FASTKD1: variants seen among roughly 807,000 people sequenced by gnomAD.
FASTKD1 encodes the protein FAST kinase domain-containing protein 1, mitochondrial.
A neutral mutation model predicts 90.9 loss-of-function variants in FASTKD1; 94 were observed. The ratio of observed to expected loss-of-function variants is 1.03; its 90% CI spans 0.88 to 1.23. FASTKD1 has a LOEUF of 1.23. Among genes scored for constraint, FASTKD1 ranks in the 50% most tolerant of loss-of-function variants. The probability of loss-of-function intolerance (pLI) is 0.00; values close to 1 mark genes in which losing one functional copy is unlikely to be tolerated. For missense variants in FASTKD1, 945 were observed against 993.5 expected (o/e 0.95, Z 0.66); for synonymous variants, 319 against 345.8 (o/e 0.92, Z 0.86).
chr2:169,563,403 C>T (rs1458376096), intron 3 of FASTKD1, 53 bp from the exon 4 acceptor site: 1 of 1,304,758 alleles, frequency 7.7e-7, no homozygotes, highest in Non-Finnish European at 1.1e-6. Flanking sequence ...TCACTTAAAA[C>T]ACATAATATA....
In FASTKD1 at chr2:169,561,984, T is replaced by C. The variant is rs1298825589; in HGVS notation, c.573-1199A>G. On this transcript the variant is annotated intron_variant, in intron 4 of 14. Coordinates refer to ENST00000453153, the MANE Select transcript of FASTKD1 (RefSeq NM_024622.6). ...TTATTGTAAATTAATTATTCATTAA[T>C]TTATTGTAAATTAATTATTCATTAA... is the stretch of plus-strand genomic sequence containing the variant. Among the ~76,000 whole-genome samples the C allele has an allele frequency of 2.4e-5, 3 of 125,878 alleles. 1 individual carries two copies. Among genetic ancestry groups the C allele is most frequent in the Non-Finnish European group, 4.8e-5 (3 of 62,010 alleles). The allele number at this position is 125,878 out of a possible 152,430, so 82.6% of individuals were successfully genotyped here. A position where few individuals can be genotyped will look rare whatever the true frequency, so the allele number is the denominator to read the frequency against.
intron 4 of FASTKD1, among the ~76,000 whole-genome samples, chr2:169,561,350 T>G (rs777400305): frequency 4.6e-5 from 7 of 151,756 alleles, no homozygotes; most frequent in Non-Finnish European, 1.0e-4. Context: ...TACTATAATT[T>G]AATTTTACCA....
chr2:169,544,621 C>T, intron 9 of FASTKD1, 100 bp downstream of exon 9: 1 of 712,358 alleles, frequency 1.4e-6, no homozygotes, highest in Non-Finnish European at 2.5e-6. Flanking sequence ...TAATTCATGT[C>T]TATTATGGTT....
In FASTKD1 at chr2:169,528,922, CCTCTTA is replaced by C. The variant is rs1351053569; in HGVS notation, c.*897_*902del. Among the ~76,000 whole-genome samples, 1 of 152,060 alleles carries C rather than the reference CCTCTTA, an allele frequency of 6.6e-6. No homozygotes were observed. Among genetic ancestry groups the C allele is most frequent in the Non-Finnish European group, 1.5e-5 (1 of 68,020 alleles). On this transcript the variant is annotated 3_prime_UTR_variant, in exon 15 of 15. Coordinates refer to ENST00000453153, the MANE Select transcript of FASTKD1 (RefSeq NM_024622.6). ...GTCTCCTTTCCTGATTCCTCCTCTT[CCTCTTA>C]ATCTTTTAATGTTGGGGCACTTGAA...
At chr2:169,565,498 A>G (rs1436154717) in intron 3 of FASTKD1, among the ~76,000 whole-genome samples, 2 of 148,152 alleles carry the variant, frequency 1.3e-5, no homozygotes, top group Non-Finnish European at 3.0e-5. Context: ...TCCTGACCTC[A>G]TGATCCGCCC....
intron 3 of FASTKD1, among the ~76,000 whole-genome samples, chr2:169,566,458 A>T (rs1357532498): frequency 6.6e-6 from 1 of 152,194 alleles, no homozygotes; most frequent in Non-Finnish European, 1.5e-5. Flanking sequence ...TTTAAAAAAA[A>T]TTTGGATTTC....
intron 4 of FASTKD1, among the ~76,000 whole-genome samples, chr2:169,562,158 TTTA>T: frequency 6.7e-6 from 1 of 149,914 alleles, no homozygotes; most frequent in South Asian, 2.1e-4. Flanking sequence ...AAATTAATTA[TTTA>T]TTAATTTATT....
At chr2:169,546,930 T>C (rs912127744) in intron 7 of FASTKD1, among the ~76,000 whole-genome samples, 1 of 152,118 alleles carries the variant, frequency 6.6e-6, no homozygotes, top group Non-Finnish European at 1.5e-5. Flanking sequence ...ACCAACTGGG[T>C]GTCCAATTCA....
chr2:169,542,457 G>A (rs1684999981), intron 9 of FASTKD1, among the ~76,000 whole-genome samples: 1 of 152,268 alleles, frequency 6.6e-6, no homozygotes, highest in South Asian at 2.1e-4. Context: ...AAAAGGAAAA[G>A]GAAAAAGAAA....
At chr2:169,546,831 T>C (rs1253685960) in intron 7 of FASTKD1, 127 bp from the exon 8 acceptor site, 7 of 940,674 alleles carry the variant, frequency 7.4e-6, no homozygotes, top group African/African-American at 3.4e-5. Context: ...TTTCAAACTA[T>C]GTTTCTCCTC....
intron 7 of FASTKD1, among the ~76,000 whole-genome samples, chr2:169,550,772 A>G (rs1685457566): frequency 6.6e-6 from 1 of 152,298 alleles, no homozygotes; most frequent in South Asian, 2.1e-4. Flanking sequence ...AAAATTTTCA[A>G]AATGATTTTT....
At chr2:169,558,368 C>T (rs1051305546) in intron 5 of FASTKD1, among the ~76,000 whole-genome samples, 16 of 152,184 alleles carry the variant, frequency 1.1e-4, no homozygotes, top group Admixed American at 6.5e-4. Context: ...AGCGATTCTC[C>T]TGCCTCAGCC....
chr2:169,567,032 T>G (rs1018829001), intron 3 of FASTKD1, among the ~76,000 whole-genome samples: 2 of 152,204 alleles, frequency 1.3e-5, no homozygotes, highest in Admixed American at 1.3e-4. Context: ...GGACAATCAC[T>G]TGAACCCAGG....
intron 9 of FASTKD1, among the ~76,000 whole-genome samples, chr2:169,543,336 G>T (rs1007298460): frequency 6.6e-6 from 1 of 152,140 alleles, no homozygotes; most frequent in Non-Finnish European, 1.5e-5. Context: ...AGTGGCGCAT[G>T]CCTGTAATCC....
At chr2:169,548,232 T>C (rs73971628) in intron 7 of FASTKD1, among the ~76,000 whole-genome samples, 5,960 of 152,108 alleles carry the variant, frequency 0.039, 399 homozygotes, top group African/African-American at 0.14. Flanking sequence ...TGATATCACC[T>C]GTCAGGCCCT....
At position 169,555,197 on chromosome 2, in the gene FASTKD1, T is replaced by A; in HGVS notation, c.1141A>T (p.Ile381Leu). Residue 381 changes from isoleucine to leucine, a missense_variant, in exon 7 of 15, where the codon ATA (isoleucine) becomes TTA (leucine). Physicochemically the swap from Ile to Leu is conservative, Grantham distance 5 (BLOSUM62 2). Transcript: ENST00000453153. The part of the protein sequence containing the change: ...DGYKPLELLK[I>L]TQELTFLHFQ... ...TGCAGAAAAGTTAATTCTTGAGTTATCTTCAACAACTCTAATGGTTTATAG... is the reference window on the plus strand; with the variant it reads ...TGCAGAAAAGTTAATTCTTGAGTTAACTTCAACAACTCTAATGGTTTATAG... 6.2e-7 allele frequency: 1 copy of A among 1,612,482 alleles called. No homozygotes were observed. The highest frequency in any genetic ancestry group is 8.5e-7 in the Non-Finnish European group (1 of 1,179,092).
intron 12 of FASTKD1, among the ~76,000 whole-genome samples, chr2:169,534,129 CCACTGCACTCCTG>C (rs1052796414): frequency 5.9e-5 from 8 of 136,650 alleles, no homozygotes; most frequent in East Asian, 2.3e-4. Context: ...CGTGATCATG[CCACTGCACTCCTG>C]CACTGCACTC....
intron 10 of FASTKD1, among the ~76,000 whole-genome samples, chr2:169,539,120 T>C (rs1684855860): frequency 1.3e-5 from 2 of 151,274 alleles, no homozygotes; most frequent in Admixed American, 6.6e-5. Context: ...ACAGAAAAAT[T>C]AGCCGGGCAT....
Position 169,561,929 on chromosome 2 carries a change from T to C in FASTKD1, c.573-1144A>G, listed in dbSNP as rs529158945. On this transcript the variant is annotated intron_variant, in intron 4 of 14. Coordinates refer to ENST00000453153, the MANE Select transcript of FASTKD1 (RefSeq NM_024622.6). ...TATTTATTTATTGTAAATCAATTAT[T>C]TGTTAATTTATTATAAATTAATTAT... Among the ~76,000 whole-genome samples the C allele has an allele frequency of 2.1e-5, 3 of 141,120 alleles. No individual in the cohort carries two copies. In the East Asian group the frequency reaches 6.1e-4, roughly 28 times the overall value. The allele number at this position is 141,120 out of a possible 152,430, so 92.6% of individuals were successfully genotyped here. A position where few individuals can be genotyped will look rare whatever the true frequency, so the allele number is the denominator to read the frequency against.
Sources: allele counts gnomAD v4.1 joint callset (sites outside exome capture counted in the v4.1 genomes callset), GRCh38; gene constraint gnomAD v4.1.1; transcripts MANE v1.5; gene names NCBI Gene and HGNC (gene_info 2026-07-23, HGNC 2026-07-21).